NEBL: variants seen among roughly 807,000 people sequenced by gnomAD.
NEBL encodes the protein LIM and SH3 protein 2.
NEBL carries 122 observed loss-of-function variants against 140.2 expected under a neutral mutation model. The ratio of observed to expected loss-of-function variants is 0.87; its 90% CI spans 0.75 to 1.01. The LOEUF (loss-of-function observed/expected upper bound fraction) is 1.01. Among genes scored for constraint, NEBL ranks in the 50% least tolerant of loss-of-function variants. The pLI is 0.00. For synonymous variants in NEBL, 436 were observed against 398.9 expected, an observed-to-expected ratio of 1.09 and a Z score of -1.11; for missense variants, 1,365 against 1,231.3, an observed-to-expected ratio of 1.11 and a Z score of -1.62.
chr10:21,048,993 G>T (rs1466848808), intron 2 of NEBL, among the ~76,000 whole-genome samples: 1 of 152,134 alleles, frequency 6.6e-6, no homozygotes, highest in Non-Finnish European at 1.5e-5. Flanking sequence ...CTGGATGACA[G>T]AGAGAGACTC....
intron 3 of NEBL, among the ~76,000 whole-genome samples, chr10:21,204,995 T>C (rs1841803482): frequency 6.6e-6 from 1 of 152,246 alleles, no homozygotes; most frequent in Admixed American, 6.5e-5. Flanking sequence ...TTCAAAGAGC[T>C]ACTATTTCAT....
chr10:21,234,484 A>T (rs1297187869), intron 3 of NEBL, among the ~76,000 whole-genome samples: 2 of 152,198 alleles, frequency 1.3e-5, no homozygotes, highest in Non-Finnish European at 2.9e-5. Flanking sequence ...AGCAGAGCAG[A>T]TGCCAACACC....
intron 19 of NEBL, among the ~76,000 whole-genome samples, chr10:20,821,727 T>C (rs1020656209): frequency 1.3e-5 from 2 of 152,182 alleles, no homozygotes; most frequent in Non-Finnish European, 2.9e-5. Flanking sequence ...GCCATAATGG[T>C]ATATGAACCA....
At chr10:20,893,733 G>A (rs1158335893) in intron 2 of NEBL, among the ~76,000 whole-genome samples, 1 of 152,174 alleles carries the variant, frequency 6.6e-6, no homozygotes, top group Admixed American at 6.5e-5. Context: ...CTCAGTAAGG[G>A]AAACGGCAAA....
intron 2 of NEBL, among the ~76,000 whole-genome samples, chr10:21,077,376 G>A (rs1371836068): frequency 6.6e-6 from 1 of 152,138 alleles, no homozygotes; most frequent in African/African-American, 2.4e-5. Flanking sequence ...AGGCTGAAGC[G>A]GGTGGGTCAC....
At chr10:20,865,661 C>A (rs1335237421) in intron 7 of NEBL, among the ~76,000 whole-genome samples, 2 of 152,180 alleles carry the variant, frequency 1.3e-5, no homozygotes, top group South Asian at 2.1e-4. Context: ...ACTAGCATTA[C>A]TGGGAATATG....
At chr10:21,130,571 G>T (rs1195553946) in intron 2 of NEBL, among the ~76,000 whole-genome samples, 4 of 151,894 alleles carry the variant, frequency 2.6e-5, no homozygotes, top group Non-Finnish European at 4.4e-5. Flanking sequence ...AATTAAACTA[G>T]AAGTCAATAA....
chr10:21,003,076 T>C (rs1309568984), intron 3 of NEBL, among the ~76,000 whole-genome samples: 2 of 151,484 alleles, frequency 1.3e-5, no homozygotes, highest in African/African-American at 4.9e-5. Context: ...AAGTTTTTCT[T>C]CTCTGTTTTC....
intron 4 of NEBL, among the ~76,000 whole-genome samples, chr10:20,934,437 C>T (rs969431388): frequency 1.3e-5 from 2 of 152,214 alleles, no homozygotes; most frequent in Non-Finnish European, 2.9e-5. Context: ...CCACACCACT[C>T]CACATTTTGA....
intron 3 of NEBL, among the ~76,000 whole-genome samples, chr10:21,194,936 G>A (rs1314234035): frequency 6.6e-6 from 1 of 151,870 alleles, no homozygotes; most frequent in Non-Finnish European, 1.5e-5. Flanking sequence ...AGGGAAAAAT[G>A]GGTACTGTTT....
chr10:20,821,406 G>A lies in NEBL; in HGVS notation c.1962+1802C>T, dbSNP rs190043375. On this transcript the variant is annotated intron_variant, in intron 19 of 27. Transcript: ENST00000377122. ...ATCATCCAACAGTCCAGGATCCAGG[G>A]TTCATGTTCTTTTCCACCACTTGAG... is the stretch of plus-strand genomic sequence containing the variant. 2.4e-4 allele frequency among the ~76,000 whole-genome samples: 36 copies of A among 152,118 alleles called. No homozygotes were observed. In the East Asian group the frequency reaches 6.4e-3, roughly 27 times the overall value.
chr10:20,945,506 C>A (rs573777028), intron 4 of NEBL, among the ~76,000 whole-genome samples: 2 of 152,152 alleles, frequency 1.3e-5, no homozygotes, highest in Non-Finnish European at 2.9e-5. Flanking sequence ...TCATGCATCA[C>A]GTGAATAAAC....
chr10:20,868,602 C>A (rs756484548), intron 7 of NEBL, 62 bp downstream of exon 7: 1 of 1,103,556 alleles, frequency 9.1e-7, no homozygotes, highest in South Asian at 1.2e-5. Context: ...CAATATTCTC[C>A]TGTGCTGTTA....
At position 21,044,397 on chromosome 10, in the gene NEBL, T is replaced by TAAAAAAAAAAAAAAAAAA. The variant is rs57176129; in HGVS notation, c.165-24214_165-24197dup. ...GGGTGACTGGGTGACAGAGTAAGAA[T>TAAAAAAAAAAAAAAAAAA]AAAAAAAAAAAAAAAAAAAAAAAAA... On this transcript the variant is annotated intron_variant, in intron 2 of 6. Coordinates refer to the NEBL transcript ENST00000417816. 5.7e-5 allele frequency among the ~76,000 whole-genome samples: 2 copies of TAAAAAAAAAAAAAAAAAA among 34,870 alleles called. 1 individual carries two copies. Among genetic ancestry groups the TAAAAAAAAAAAAAAAAAA allele is most frequent in the Non-Finnish European group, 9.0e-5 (2 of 22,178 alleles). 22.9% of individuals were successfully genotyped at this position (34,870 alleles called of 152,430 possible).
At chr10:21,036,574 G>C (rs1259199434) in intron 2 of NEBL, among the ~76,000 whole-genome samples, 1 of 152,156 alleles carries the variant, frequency 6.6e-6, no homozygotes, top group Non-Finnish European at 1.5e-5. Flanking sequence ...AACAGCCAAT[G>C]ATATCAGACA....
At chr10:21,149,385 G>A (rs1409703838) in intron 2 of NEBL, among the ~76,000 whole-genome samples, 1 of 152,054 alleles carries the variant, frequency 6.6e-6, no homozygotes, top group African/African-American at 2.4e-5. Context: ...CCGCCTCCTG[G>A]GTTCAAGCGA....
At chr10:20,901,307 T>G (rs540374035), upstream of NEBL, among the ~76,000 whole-genome samples, 55 of 152,166 alleles carry the variant, frequency 3.6e-4, 1 homozygote, top group South Asian at 0.011. Context: ...AACTGTCAGG[T>G]GGGTAATTCA....
intron 1 of NEBL, among the ~76,000 whole-genome samples, chr10:21,288,008 T>A (rs913330): frequency 0.82 from 124,996 of 152,242 alleles, 51,765 homozygotes; most frequent in East Asian, 0.99. Context: ...CAATTTTCTC[T>A]TCTGAAAAGC....
At chr10:21,200,419 T>C (rs1313502428) in intron 3 of NEBL, among the ~76,000 whole-genome samples, 1 of 136,964 alleles carries the variant, frequency 7.3e-6, no homozygotes, top group East Asian at 2.4e-4. Flanking sequence ...GTTCAAGCAA[T>C]TCTCCTGTCT....
Sources: allele counts gnomAD v4.1 joint callset (sites outside exome capture counted in the v4.1 genomes callset), GRCh38; gene constraint gnomAD v4.1.1; transcripts MANE v1.5; gene names NCBI Gene and HGNC (gene_info 2026-07-23, HGNC 2026-07-21).